The following CADPS variants were observed in gnomAD, a reference collection of about 807,000 sequenced individuals.
CADPS encodes the protein calcium dependent secretion activator, also known as calcium-dependent secretion activator 1.
In CADPS, 57 loss-of-function variants were observed where a neutral mutation model predicts 167.3. The ratio of observed to expected loss-of-function variants is 0.34; its 90% CI spans 0.28 to 0.42. The LOEUF (loss-of-function observed/expected upper bound fraction) is 0.42, where lower values mean the gene tolerates loss of function less well. Among genes scored for constraint, CADPS ranks in the 20% least tolerant of loss-of-function variants. The pLI, the probability that CADPS is intolerant of heterozygous loss-of-function variation, is 1.00. For synonymous variants in CADPS, 676 were observed against 635.3 expected, an observed-to-expected ratio of 1.06 and a Z score of -0.96; for missense variants, 1,414 against 1,738.1, an observed-to-expected ratio of 0.81 and a Z score of 3.32.
At chr3:62,640,157 C>A (rs988382319) in intron 6 of CADPS, among the ~76,000 whole-genome samples, 1 of 152,144 alleles carries the variant, frequency 6.6e-6, no homozygotes, top group African/African-American at 2.4e-5. Context: ...AGTATCTACC[C>A]TTTCATATCA....
chr3:62,683,691 G>T (rs2077506362), intron 3 of CADPS, among the ~76,000 whole-genome samples: 1 of 151,930 alleles, frequency 6.6e-6, no homozygotes, highest in Non-Finnish European at 1.5e-5. Flanking sequence ...TCCCATTAAG[G>T]ACACTACATT....
At chr3:62,690,956 C>A (rs544712553) in intron 3 of CADPS, among the ~76,000 whole-genome samples, 1 of 152,092 alleles carries the variant, frequency 6.6e-6, no homozygotes, top group South Asian at 2.1e-4. Context: ...AATGGACAAA[C>A]TGTGGTACAT....
At chr3:62,732,707 C>T in intron 3 of CADPS, among the ~76,000 whole-genome samples, 1 of 152,340 alleles carries the variant, frequency 6.6e-6, no homozygotes, top group Admixed American at 6.5e-5. Flanking sequence ...ACCTTGCACT[C>T]TCATAAACTC....
chr3:62,569,948 CTA>C (rs1186090756), intron 9 of CADPS, among the ~76,000 whole-genome samples: 2 of 152,230 alleles, frequency 1.3e-5, no homozygotes, highest in African/African-American at 4.8e-5. Context: ...ACAGGTATTA[CTA>C]TTTCTGGAAA....
chr3:62,412,362 A>T lies in CADPS; in HGVS notation c.3778-9177T>A, dbSNP rs1266850625. 2.6e-5 allele frequency among the ~76,000 whole-genome samples: 4 copies of T among 152,230 alleles called. No individual in the cohort carries two copies. The South Asian group carries it at 6.2e-4, about 24-fold the overall frequency. ...TGGCTTTCTATAACCTGCTGCTGAG[A>T]GAATTCAGCTCCTCTTTTGCCTTTA... On this transcript the variant is annotated intron_variant, in intron 28 of 29. Transcript: ENST00000383710. This position sits in a 1 kb window ranked among gnomAD's most constrained non-coding sequence, Gnocchi z 4.1.
intron 2 of CADPS, among the ~76,000 whole-genome samples, chr3:62,755,374 T>A (rs1024733300): frequency 6.6e-6 from 1 of 152,170 alleles, no homozygotes; most frequent in East Asian, 1.9e-4. Flanking sequence ...TGGGGTGTAA[T>A]ACAAGGCAGT....
At chr3:62,827,429 T>C (rs1317045130) in intron 1 of CADPS, among the ~76,000 whole-genome samples, 2 of 152,148 alleles carry the variant, frequency 1.3e-5, no homozygotes, top group African/African-American at 4.8e-5. Context: ...ATGAGGCACA[T>C]ACTTTAATAC....
At chr3:62,507,604 A>G (rs1199324760) in intron 17 of CADPS, among the ~76,000 whole-genome samples, 3 of 152,116 alleles carry the variant, frequency 2.0e-5, no homozygotes, top group Admixed American at 1.3e-4. Flanking sequence ...TTGGCTCTCA[A>G]AGTACCATCC....
chr3:62,598,159 A>C (rs2059188441), intron 6 of CADPS, among the ~76,000 whole-genome samples: 1 of 152,186 alleles, frequency 6.6e-6, no homozygotes, highest in African/African-American at 2.4e-5. Flanking sequence ...TCGAGATGGC[A>C]ACAAAAGAGC....
chr3:62,571,123 G>A (rs912085584), intron 8 of CADPS, among the ~76,000 whole-genome samples, 185 bp from the exon 9 acceptor site: 5 of 152,136 alleles, frequency 3.3e-5, no homozygotes, highest in African/African-American at 1.2e-4. Context: ...TCCACTTACA[G>A]GAGGAATTGA....
At chr3:62,479,718 TGAAAGGTGGCAAAGGAA>T (rs761458217) in intron 22 of CADPS, among the ~76,000 whole-genome samples, 361 of 152,276 alleles carry the variant, frequency 2.4e-3, no homozygotes, top group Non-Finnish European at 3.8e-3. Context: ...GCCCTTAAAA[TGAAAGGTGGCAAAGGAA>T]GAAACTGGAA....
chr3:62,576,813 A>AAAAAAAAAAAAAAAAAG (rs1562375615), intron 8 of CADPS, among the ~76,000 whole-genome samples: 2 of 149,290 alleles, frequency 1.3e-5, no homozygotes, highest in African/African-American at 5.0e-5. Context: ...AAAAAAAAAA[A>AAAAAAAAAAAAAAAAAG]AAAAGCAGTC....
intron 1 of CADPS, among the ~76,000 whole-genome samples, chr3:62,826,019 A>G (rs1374512085): frequency 1.3e-5 from 2 of 152,166 alleles, no homozygotes; most frequent in African/African-American, 4.8e-5. Flanking sequence ...CAGGCCATGG[A>G]CTTATAAATA....
At chr3:62,764,595 G>C (rs1285374417) in intron 2 of CADPS, among the ~76,000 whole-genome samples, 1 of 152,144 alleles carries the variant, frequency 6.6e-6, no homozygotes, top group Non-Finnish European at 1.5e-5. Flanking sequence ...TCTAATTGCA[G>C]TCTTACTCTC....
chr3:62,590,550 C>A (rs2085736008), intron 7 of CADPS, among the ~76,000 whole-genome samples: 1 of 152,080 alleles, frequency 6.6e-6, no homozygotes, highest in Non-Finnish European at 1.5e-5. Flanking sequence ...GCTTTATTTA[C>A]TTTTCGTTTT....
At chr3:62,862,303 G>A (rs866227725) in intron 1 of CADPS, among the ~76,000 whole-genome samples, 2 of 143,880 alleles carry the variant, frequency 1.4e-5, no homozygotes, top group African/African-American at 2.6e-5. Flanking sequence ...TGCAACCTCC[G>A]CCTCCCGGGT....
intron 6 of CADPS, among the ~76,000 whole-genome samples, chr3:62,596,770 T>C (rs2059002552): frequency 6.6e-6 from 1 of 152,192 alleles, no homozygotes; most frequent in African/African-American, 2.4e-5. Context: ...ACTAAGTAAC[T>C]GACCCTGTGT....
chr3:62,790,524 T>A (rs890597807), intron 1 of CADPS, among the ~76,000 whole-genome samples: 12 of 152,148 alleles, frequency 7.9e-5, no homozygotes, highest in Non-Finnish European at 1.6e-4. Flanking sequence ...TTACTGTCAT[T>A]TAGAGGCAAA....
In CADPS at chr3:62,576,788, T is replaced by TAAAAAAAAAAAAAAAAAA. The variant is rs138055445; in HGVS notation, c.1578-5868_1578-5851dup. ...CTGGGTGACAGAGCAAGACTCTGTC[T>TAAAAAAAAAAAAAAAAAA]AAAAAAAAAAAAAAAAAAAAAAAAA... On this transcript the variant is annotated intron_variant, in intron 8 of 29. Transcript: ENST00000383710. 1.1e-3 allele frequency among the ~76,000 whole-genome samples: 34 copies of TAAAAAAAAAAAAAAAAAA among 29,836 alleles called. 2 individuals carry two copies. In the East Asian group the frequency reaches 0.012, roughly 11 times the overall value. 19.6% of individuals were successfully genotyped at this position (29,836 alleles called of 152,430 possible).
Sources: gnomAD v4.1 joint callset for allele counts (sites outside exome capture counted in the v4.1 genomes callset) on GRCh38, gnomAD v4.1.1 for gene constraint, Gnocchi (gnomAD v3.1) non-coding constraint, MANE v1.5 for transcripts, NCBI Gene and HGNC (gene_info 2026-07-23, HGNC 2026-07-21) for gene names.